The following MUC13 variants were observed in gnomAD, a reference collection of about 807,000 sequenced individuals.
MUC13 encodes mucin-13.
In MUC13, 32 loss-of-function variants were observed where a neutral mutation model predicts 48.3. That is an observed-to-expected ratio of 0.66 (90% CI 0.50 to 0.89). The LOEUF (loss-of-function observed/expected upper bound fraction) is 0.89. Among genes scored for constraint, MUC13 ranks in the 40% least tolerant of loss-of-function variants. The pLI, the probability that MUC13 is intolerant of heterozygous loss-of-function variation, is 0.00. For synonymous variants in MUC13, 199 were observed against 224.9 expected, an observed-to-expected ratio of 0.88 and a Z score of 1.03; for missense variants, 571 against 622.8, an observed-to-expected ratio of 0.92 and a Z score of 0.88.
intron 5 of MUC13, 145 bp from the exon 6 acceptor site, chr3:124,916,625 G>A: frequency 2.5e-6 from 2 of 800,368 alleles, no homozygotes; most frequent in South Asian, 3.3e-5. Context: ...TGGAGGCCGG[G>A]GGCTGCAAAA....
intron 1 of MUC13, among the ~76,000 whole-genome samples, chr3:124,929,974 GGA>G (rs1935766271): frequency 1.3e-5 from 2 of 152,216 alleles, no homozygotes. Context: ...CTCTATCATC[GGA>G]GTAGCAGTGA....
At chr3:124,910,606 G>A (rs1935404433) in intron 9 of MUC13, 107 bp from the exon 10 acceptor site, 15 of 1,504,980 alleles carry the variant, frequency 1.0e-5, no homozygotes, top group African/African-American at 9.8e-5. Flanking sequence ...AGACGATCAG[G>A]TTCTGGTCTC....
At chr3:124,919,012 C>T (rs1449780493) in intron 5 of MUC13, among the ~76,000 whole-genome samples, 6 of 152,174 alleles carry the variant, frequency 3.9e-5, no homozygotes, top group Non-Finnish European at 7.3e-5. Flanking sequence ...CATACTCTCT[C>T]TCTCTCTCTT....
Position 124,926,385 on chromosome 3 carries a change from G to A in MUC13, c.514+1147C>T, listed in dbSNP as rs148567367. 1.6e-4 allele frequency among the ~76,000 whole-genome samples: 25 copies of A among 152,304 alleles called. No individual in the cohort carries two copies. The East Asian group carries it at 4.8e-3, about 29-fold the overall frequency. On this transcript the variant is annotated intron_variant, in intron 2 of 11. Coordinates refer to ENST00000616727, the MANE Select transcript of MUC13 (RefSeq NM_033049.4). ...TGGCCTGACTCTGAGGGAACACCTG[G>A]CGAAGCAGAAATGGCTTAGAAAACC...
In MUC13 at chr3:124,922,261, G is replaced by A. The variant is rs778849725; in HGVS notation, c.680C>T (p.Thr227Ile). 22 of 1,613,972 alleles carry A rather than the reference G, an allele frequency of 1.4e-5. No individual in the cohort carries two copies. Among genetic ancestry groups the A allele is most frequent in the South Asian group, 4.4e-5 (4 of 91,072 alleles). The part of the protein sequence containing the change: ...PGKISVTVSE[T>I]FDPEEKHSMA... Reference sequence around the variant, plus strand: ...GGAATGTTTCTCTTCTGGGTCAAATGTTTCTGATACTGTCACTGAAATCTT... The same window carrying A: ...GGAATGTTTCTCTTCTGGGTCAAATATTTCTGATACTGTCACTGAAATCTT... Residue 227 changes from threonine (T) to isoleucine (I), a missense_variant, in exon 4 of 12, where the codon ACA (threonine) becomes ATA (isoleucine). By Grantham distance (89) the Thr-to-Ile change is moderately conservative. Coordinates refer to ENST00000616727, the MANE Select transcript of MUC13 (RefSeq NM_033049.4).
chr3:124,933,260 T>G (rs1394819346), intron 1 of MUC13, among the ~76,000 whole-genome samples: 1 of 152,212 alleles, frequency 6.6e-6, no homozygotes, highest in Non-Finnish European at 1.5e-5. Context: ...TCTTCCTTTC[T>G]GCAAGCAGCT....
intron 5 of MUC13, among the ~76,000 whole-genome samples, chr3:124,919,155 G>A (rs1034648132): frequency 6.6e-6 from 1 of 151,534 alleles, no homozygotes; most frequent in Non-Finnish European, 1.5e-5. Context: ...GGCCAACATG[G>A]TGAAACCCCG....
intron 11 of MUC13, among the ~76,000 whole-genome samples, chr3:124,907,157 T>A (rs796814266): frequency 7.2e-5 from 11 of 152,344 alleles, no homozygotes; most frequent in African/African-American, 2.2e-4. Flanking sequence ...TCTCCTTTTT[T>A]AAAAAGCTAT....
intron 1 of MUC13, 87 bp from the exon 2 acceptor site, chr3:124,928,080 TTC>T: frequency 5.2e-6 from 5 of 957,306 alleles, no homozygotes; most frequent in Admixed American, 3.7e-5. Context: ...ATCCAACTCA[TTC>T]TTTTTTTTTT....
At chr3:124,927,486 A>G (rs1199498474) in intron 2 of MUC13, 46 bp downstream of exon 2, 5 of 1,576,266 alleles carry the variant, frequency 3.2e-6, no homozygotes, top group Non-Finnish European at 4.3e-6. Flanking sequence ...TCCCTCCACA[A>G]TTGTACTCTC....
intron 1 of MUC13, among the ~76,000 whole-genome samples, chr3:124,931,799 CT>C (rs1027035654): frequency 6.7e-6 from 1 of 149,528 alleles, no homozygotes; most frequent in African/African-American, 2.5e-5. Context: ...AATCCCAGAA[CT>C]TTGGGAGGCC....
intron 11 of MUC13, among the ~76,000 whole-genome samples, 163 bp downstream of exon 11, chr3:124,907,984 C>G (rs1259053935): frequency 6.6e-6 from 1 of 152,128 alleles, no homozygotes; most frequent in Non-Finnish European, 1.5e-5. Context: ...GTTACGACAG[C>G]AGGGAACTTC....
At chr3:124,913,459 G>A in intron 7 of MUC13, 103 bp downstream of exon 7, 1 of 1,563,302 alleles carries the variant, frequency 6.4e-7, no homozygotes, top group Non-Finnish European at 8.8e-7. Context: ...AGATCACTCG[G>A]ACTCTGAAAT....
At chr3:124,927,425 T>TG in intron 2 of MUC13, 107 bp downstream of exon 2, 1 of 1,010,980 alleles carries the variant, frequency 9.9e-7, no homozygotes, top group East Asian at 2.4e-5. Flanking sequence ...AAAGAAACCT[T>TG]GGGCCTCTTT....
At chr3:124,920,827 C>T (rs1487438462) in intron 4 of MUC13, among the ~76,000 whole-genome samples, 1 of 152,248 alleles carries the variant, frequency 6.6e-6, no homozygotes, top group African/African-American at 2.4e-5. Flanking sequence ...CTTCAATGTA[C>T]TGAAAACATC....
chr3:124,927,794 T>C lies in MUC13; in HGVS notation c.252A>G (p.Thr84=). Residue 84 remains threonine (T), a synonymous_variant, in exon 2 of 12, where the codon ACA becomes ACG. Transcript: ENST00000616727. ...ISTHSSSTIP[T]PAPPIISTHS... ...GTGTACTAATTATGGGGGGAGCAGG[T>C]GTAGGAATTGTGGAGGAACTATGTG... 1 of 1,613,966 alleles carries C rather than the reference T, an allele frequency of 6.2e-7. No homozygotes were observed. The highest frequency in any genetic ancestry group is 8.5e-7 in the Non-Finnish European group (1 of 1,179,936).
At chr3:124,923,003 C>A (rs188295808) in intron 3 of MUC13, among the ~76,000 whole-genome samples, 36 of 150,572 alleles carry the variant, frequency 2.4e-4, no homozygotes, top group Middle Eastern at 6.9e-3. Context: ...ATTTGGGGGC[C>A]TTTTGGTATA....
At chr3:124,925,625 T>C (rs947334275) in intron 2 of MUC13, among the ~76,000 whole-genome samples, 2 of 152,226 alleles carry the variant, frequency 1.3e-5, no homozygotes, top group South Asian at 2.1e-4. Flanking sequence ...ATTAACATTA[T>C]ATTTTTGAGA....
intron 2 of MUC13, among the ~76,000 whole-genome samples, chr3:124,925,427 T>C (rs532062849): frequency 6.6e-6 from 1 of 152,294 alleles, no homozygotes; most frequent in South Asian, 2.1e-4. Context: ...CCACGAGTGA[T>C]CTCTAATGTA....
Sources: allele counts gnomAD v4.1 joint callset (sites outside exome capture counted in the v4.1 genomes callset), GRCh38; gene constraint gnomAD v4.1.1; transcripts MANE v1.5; gene names NCBI Gene and HGNC (gene_info 2026-07-23, HGNC 2026-07-21).